Variants in ADCY8 observed in about 807,000 individuals in gnomAD.
The protein encoded by ADCY8 is adenylate cyclase 8.
Under a neutral mutation model 119.7 loss-of-function variants are expected in ADCY8, and 51 were observed. The ratio of observed to expected loss-of-function variants is 0.43; its 90% confidence interval spans 0.34 to 0.54. ADCY8 has a LOEUF of 0.54. Among genes scored for constraint, ADCY8 ranks in the 20% least tolerant of loss-of-function variants. The pLI, the probability that ADCY8 is intolerant of heterozygous loss-of-function variation, is 0.03. For missense variants in ADCY8, 1,383 were observed against 1,598.8 expected (o/e 0.87, Z 2.30); for synonymous variants, 665 against 651.0 (o/e 1.02, Z -0.33).
chr8:130,793,876 C>T (rs1815498779), intron 15 of ADCY8, among the ~76,000 whole-genome samples: 1 of 152,158 alleles, frequency 6.6e-6, no homozygotes. Flanking sequence ...TTAAATAGTG[C>T]CTCTCAAAAA....
chr8:131,039,766 C>G lies in ADCY8; in HGVS notation c.568G>C (p.Val190Leu), dbSNP rs545194661. 18 of 1,614,060 alleles carry G rather than the reference C, an allele frequency of 1.1e-5. No homozygotes were observed. The highest frequency in any genetic ancestry group is 1.5e-5 in the Non-Finnish European group (18 of 1,180,046). ...KSEVVMNVLD[V>L]LTKLTLLVLH... is the part of the protein sequence containing the mutation. ...ACCAAGAGAGTGAGTTTGGTCAGCA[C>G]GTCCAGCACGTTCATCACCACTTCC... Residue 190 changes from valine (V) to leucine (L), a missense_variant, in exon 1 of 18, where the codon GTG becomes CTG. Val to Leu is a conservative substitution (Grantham distance 32, BLOSUM62 1). Around this residue, in one of 2 missense-constraint regions of ADCY8, gnomAD observed 455 missense variants for 435.3 expected, o/e 1.05. Coordinates refer to ENST00000286355, the MANE Select transcript of ADCY8 (RefSeq NM_001115.3).
At chr8:130,896,289 C>A (rs991097919) in intron 7 of ADCY8, among the ~76,000 whole-genome samples, 1 of 152,082 alleles carries the variant, frequency 6.6e-6, no homozygotes, top group African/African-American at 2.4e-5. Context: ...ACTTTACTGG[C>A]AAATTGTAGT....
chr8:130,946,138 G>A (rs2130645884), intron 3 of ADCY8, among the ~76,000 whole-genome samples: 1 of 152,250 alleles, frequency 6.6e-6, no homozygotes, highest in Non-Finnish European at 1.5e-5. Context: ...ATCTGTCTAT[G>A]GCAAGAATGG....
In ADCY8 at chr8:130,836,279, T is replaced by C; in HGVS notation, c.2673A>G (p.Gly891=). 6.2e-7 allele frequency: 1 copy of C among 1,610,952 alleles called. No individual in the cohort carries two copies. The highest frequency in any genetic ancestry group is 8.5e-7 in the Non-Finnish European group (1 of 1,178,254). The part of the protein sequence containing the change: ...FLRYDNLNHS[G]EDFLGTKEVS... ...GACTCACGGTGGTGGGCACTTACTC[T>C]CCACTGTGGTTGAGGTTGTCATAAC... The change falls in exon 12 of 18, where the codon GGA becomes GGG. Residue 891 remains glycine (G), a splice_region_variant and synonymous_variant. Coordinates refer to ENST00000286355, the MANE Select transcript of ADCY8 (RefSeq NM_001115.3).
In ADCY8 at chr8:130,904,010, C is replaced by G; in HGVS notation, c.1673G>C (p.Cys558Ser). Residue 558 changes from cysteine (C) to serine (S), a missense_variant, in exon 7 of 18, where the codon TGT becomes TCT. By Grantham distance (112) the Cys-to-Ser change is moderately radical (BLOSUM62 -1). Around this residue, in one of 2 missense-constraint regions of ADCY8, gnomAD observed 928 missense variants for 1,163.5 expected, o/e 0.80. Coordinates refer to ENST00000286355, the MANE Select transcript of ADCY8 (RefSeq NM_001115.3). Reference protein sequence around the residue: ...RIHISKATLDCLNGDYNVEEG... With the variant: ...RIHISKATLDSLNGDYNVEEG... ...TTCCACGTTATAGTCACCGTTGAGA[C>G]AGTCCAGCGTGGCTTTGGAAATGTG... 2.5e-6 allele frequency: 4 copies of G among 1,613,986 alleles called. No individual in the cohort carries two copies. The highest frequency in any genetic ancestry group is 1.3e-5 in the African/African-American group (1 of 75,060).
intron 3 of ADCY8, among the ~76,000 whole-genome samples, chr8:130,945,945 T>C (rs1429758288): frequency 2.0e-5 from 3 of 152,200 alleles, no homozygotes; most frequent in Admixed American, 1.3e-4. Context: ...CCTATAATCA[T>C]GAAGAGCTAG....
At position 130,780,773 on chromosome 8, in the gene ADCY8, C is replaced by A; in HGVS notation, c.3373G>T (p.Gly1125Trp). The change falls in exon 18 of 18, where the codon GGG becomes TGG. Residue 1125 changes from glycine to tryptophan, a missense_variant. Transcript: ENST00000286355. ...VNLASRMDSTGVSGRIQVPEE... is the reference protein window; with the variant it reads ...VNLASRMDSTWVSGRIQVPEE... The stretch of plus-strand genomic sequence containing the variant: ...GGGACTTGGATCCGGCCACTAACCC[C>A]CGTGCTGTCCATTCGGCTTGCCAGG... 1 of 1,614,218 alleles carries A rather than the reference C, an allele frequency of 6.2e-7. No homozygotes were observed. Among genetic ancestry groups the A allele is most frequent in the Non-Finnish European group, 8.5e-7 (1 of 1,180,030 alleles).
Position 131,040,240 on chromosome 8 carries a change from G to T in ADCY8, c.94C>A (p.Arg32=), listed in dbSNP as rs894141968. The change falls in exon 1 of 18, where the codon CGG becomes AGG. Residue 32 remains arginine, a synonymous_variant. Transcript: ENST00000286355. Reference sequence around the variant, plus strand: ...GTCTGCCACAGCAGCCGCTGCGGCCGGGAGGCGCTCCTGCCGTCGCCGGCC... The same window carrying T: ...GTCTGCCACAGCAGCCGCTGCGGCCTGGAGGCGCTCCTGCCGTCGCCGGCC... The part of the protein sequence containing the change: ...PPAGDGRSAS[R]PQRLLWQTAV... 7.1e-6 allele frequency: 11 copies of T among 1,546,596 alleles called. No individual in the cohort carries two copies. Among genetic ancestry groups the T allele is most frequent in the Non-Finnish European group, 9.5e-6 (11 of 1,152,902 alleles).
At chr8:130,936,363 G>C (rs939653029) in intron 5 of ADCY8, among the ~76,000 whole-genome samples, 2 of 152,052 alleles carry the variant, frequency 1.3e-5, no homozygotes, top group Non-Finnish European at 2.9e-5. Context: ...AGCCAACCCT[G>C]GTGGCAGCCT....
chr8:130,903,464 GT>G (rs35382013), intron 7 of ADCY8, among the ~76,000 whole-genome samples: 67,988 of 124,544 alleles, frequency 0.55, 17,591 homozygotes, highest in East Asian at 0.69. Flanking sequence ...AACATGAGTG[GT>G]TTTTTTTTTT....
At position 131,025,535 on chromosome 8, in the gene ADCY8, G is replaced by A. The variant is rs145675451; in HGVS notation, c.960+13839C>T. Among the ~76,000 whole-genome samples the A allele has an allele frequency of 1.6e-4, 25 of 152,236 alleles. No individual in the cohort carries two copies. In the South Asian group the frequency reaches 2.3e-3, roughly 14 times the overall value. ...CGCGTGATGTGCCAGTGTCCATTCC[G>A]GTGATATACAAAAGGACAGACCCTG... is the stretch of plus-strand genomic sequence containing the variant. On this transcript the variant is annotated intron_variant, in intron 1 of 17. Transcript: ENST00000286355.
At chr8:130,936,453 GC>G (rs1820790024) in intron 5 of ADCY8, among the ~76,000 whole-genome samples, 2 of 152,136 alleles carry the variant, frequency 1.3e-5, no homozygotes, top group African/African-American at 4.8e-5. Context: ...TCTGGCTGCT[GC>G]CAGCCTACAG....
intron 14 of ADCY8, among the ~76,000 whole-genome samples, chr8:130,812,665 C>T (rs80306453): frequency 0.087 from 13,319 of 152,230 alleles, 816 homozygotes; most frequent in Middle Eastern, 0.14. Context: ...CTCCCAGCAC[C>T]TTGATTTCAG....
intron 15 of ADCY8, among the ~76,000 whole-genome samples, chr8:130,788,689 C>T (rs1157114963): frequency 6.6e-6 from 1 of 152,096 alleles, no homozygotes; most frequent in Non-Finnish European, 1.5e-5. Flanking sequence ...GCTACTTATT[C>T]TGTTTTGATC....
chr8:131,036,471 CTGTT>C (rs1464563431), intron 1 of ADCY8, among the ~76,000 whole-genome samples: 5 of 152,236 alleles, frequency 3.3e-5, no homozygotes, highest in South Asian at 2.1e-4. Context: ...CATTCAGTGA[CTGTT>C]TGTTGAGTAC....
chr8:130,898,972 A>G (rs756407821), intron 7 of ADCY8, among the ~76,000 whole-genome samples: 1 of 152,174 alleles, frequency 6.6e-6, no homozygotes, highest in Non-Finnish European at 1.5e-5. Flanking sequence ...GGAATAAAAT[A>G]CATCAACAAA....
chr8:130,882,992 G>C (rs1818836434), intron 8 of ADCY8, among the ~76,000 whole-genome samples: 1 of 152,000 alleles, frequency 6.6e-6, no homozygotes, highest in Non-Finnish European at 1.5e-5. Flanking sequence ...ACTGTCAATG[G>C]GCAAGTCCCA....
rs192121003 is a variant in ADCY8, at chr8:131,033,773, C to G, written c.960+5601G>C. 1.8e-4 allele frequency among the ~76,000 whole-genome samples: 27 copies of G among 151,466 alleles called. No homozygotes were observed. In the East Asian group the frequency reaches 5.0e-3, roughly 28 times the overall value. ...CCACCAACACACATACACAAAAGCA[C>G]ACACACACACATACACATGAAGAAG... On this transcript the variant is annotated intron_variant, in intron 1 of 17. Coordinates refer to ENST00000286355, the MANE Select transcript of ADCY8 (RefSeq NM_001115.3).
At chr8:130,910,453 TGCCTCA>T (rs1333018043) in intron 5 of ADCY8, among the ~76,000 whole-genome samples, 3 of 152,176 alleles carry the variant, frequency 2.0e-5, no homozygotes, top group Admixed American at 2.0e-4. Flanking sequence ...CTGGGATCCC[TGCCTCA>T]GCCTTACCTC....
Sources: gnomAD v4.1 joint callset for allele counts (sites outside exome capture counted in the v4.1 genomes callset) on GRCh38, gnomAD v4.1.1 for gene constraint, gnomAD v4.1.1 regional missense constraint, MANE v1.5 for transcripts, NCBI Gene and HGNC (gene_info 2026-07-23, HGNC 2026-07-21) for gene names.